The following CD86 variants were observed in gnomAD, a reference collection of about 807,000 sequenced individuals.
CD86 encodes T-lymphocyte activation antigen CD86.
A neutral mutation model predicts 32.1 loss-of-function variants in CD86; 11 were observed. The ratio of observed to expected loss-of-function variants is 0.34; its 90% CI spans 0.22 to 0.57. CD86 has a LOEUF of 0.57. CD86 is among the 20% of genes least tolerant of loss of function. The probability of loss-of-function intolerance (pLI) is 0.86; values close to 1 mark genes in which losing one functional copy is unlikely to be tolerated. For synonymous variants in CD86, 137 were observed against 135.3 expected, an observed-to-expected ratio of 1.01 and a Z score of -0.09; for missense variants, 359 against 398.4, an observed-to-expected ratio of 0.90 and a Z score of 0.84.
At chr3:122,078,183 T>G in intron 1 of CD86, 1 of 377,328 alleles carries the variant, frequency 2.7e-6, no homozygotes, top group Non-Finnish European at 3.6e-6. Context: ...GCTTAAAACC[T>G]CTGACCATCA....
In CD86 at chr3:122,118,075, G is replaced by C. The variant is rs1426421952; in HGVS notation, c.875G>C (p.Ser292Thr). Residue 292 changes from serine to threonine, a missense_variant, in exon 6 of 7, where the codon AGT (serine) becomes ACT (threonine). Ser to Thr is a moderately conservative substitution (Grantham distance 58). Coordinates refer to ENST00000330540, the MANE Select transcript of CD86 (RefSeq NM_175862.5). ...CGTNTMEREESEQTKKREKIH... is the reference protein window; with the variant it reads ...CGTNTMEREETEQTKKREKIH... ...ACCAACACAATGGAGAGGGAAGAGAGTGAACAGACCAAGAAAAGGTAAATC... is the reference window on the plus strand; with the variant it reads ...ACCAACACAATGGAGAGGGAAGAGACTGAACAGACCAAGAAAAGGTAAATC... 1 of 1,612,742 alleles carries C rather than the reference G, an allele frequency of 6.2e-7. No individual in the cohort carries two copies. The highest frequency in any genetic ancestry group is 8.5e-7 in the Non-Finnish European group (1 of 1,179,434).
chr3:122,062,411 G>C (rs1307771819), intron 1 of CD86, among the ~76,000 whole-genome samples: 1 of 152,110 alleles, frequency 6.6e-6, no homozygotes, highest in East Asian at 1.9e-4. Flanking sequence ...AGTTCATTCA[G>C]CATCTTTGTT....
Position 122,109,280 on chromosome 3 carries a change from A to T in CD86, c.719A>T (p.Gln240Leu). ...TCATTTGTAGAGCTTGAGGACCCTCAGCCTCCCCCAGACCACATTCCTTGG... is the reference window on the plus strand; with the variant it reads ...TCATTTGTAGAGCTTGAGGACCCTCTGCCTCCCCCAGACCACATTCCTTGG... ...SPFSIELEDP[Q>L]PPPDHIPWIT... The change falls in exon 5 of 7, where the codon CAG becomes CTG. Residue 240 changes from glutamine (Q) to leucine (L), a missense_variant. Transcript: ENST00000330540. The T allele has an allele frequency of 6.2e-7, 1 of 1,613,386 alleles. No homozygotes were observed. Among genetic ancestry groups the T allele is most frequent in the Non-Finnish European group, 8.5e-7 (1 of 1,179,722 alleles).
Position 122,103,520 on chromosome 3 carries a change from C to T in CD86, c.73C>T (p.Pro25Ser), listed in dbSNP as rs773800947. The change falls in exon 3 of 7, where the codon CCT (proline) becomes TCT (serine). Residue 25 changes from proline (P) to serine (S), a missense_variant. Transcript: ENST00000330540. ...TTAACCTTCTTTTTTAGGTGCTGCT[C>T]CTCTGAAGATTCAAGCTTATTTCAA... ...VMAFLLSGAA[P>S]LKIQAYFNET... The T allele has an allele frequency of 1.9e-6, 3 of 1,609,248 alleles. No homozygotes were observed. The highest frequency in any genetic ancestry group is 2.2e-5 in the South Asian group (2 of 90,140).
At chr3:122,094,146 G>A (rs1252122217) in intron 2 of CD86, among the ~76,000 whole-genome samples, 1 of 152,200 alleles carries the variant, frequency 6.6e-6, no homozygotes. Flanking sequence ...AGATCTGGGA[G>A]AGAAGGAAGA....
chr3:122,065,070 T>C (rs534444108), intron 1 of CD86, among the ~76,000 whole-genome samples: 1 of 152,238 alleles, frequency 6.6e-6, no homozygotes, highest in Non-Finnish European at 1.5e-5. Context: ...AGGTAAGTAG[T>C]ATTATCCCTG....
At chr3:122,070,252 C>T (rs114934491) in intron 1 of CD86, among the ~76,000 whole-genome samples, 2,960 of 152,138 alleles carry the variant, frequency 0.019, 39 homozygotes, top group Middle Eastern at 0.031. Flanking sequence ...AGAAATTGAT[C>T]GAATGCAAGA....
chr3:122,056,559 C>G (rs1015156120), intron 1 of CD86, among the ~76,000 whole-genome samples: 1 of 152,132 alleles, frequency 6.6e-6, no homozygotes, highest in Non-Finnish European at 1.5e-5. Flanking sequence ...GTCTCGATCT[C>G]TTGACCTTGT....
intron 2 of CD86, among the ~76,000 whole-genome samples, chr3:122,102,786 T>C (rs1313662930): frequency 6.6e-6 from 1 of 152,152 alleles, no homozygotes; most frequent in Admixed American, 6.6e-5. Flanking sequence ...GTTCTCTTTC[T>C]GATCTCTGAA....
intron 1 of CD86, among the ~76,000 whole-genome samples, chr3:122,061,774 A>C (rs1413714260): frequency 1.3e-5 from 2 of 152,326 alleles, no homozygotes; most frequent in East Asian, 3.9e-4. Flanking sequence ...ACTCTAGAAA[A>C]CAGTTTGGCA....
Position 122,090,232 on chromosome 3 carries a change from C to T in CD86, c.15-1369C>T, listed in dbSNP as rs2072792487. On this transcript the variant is annotated intron_variant, in intron 1 of 6. Coordinates refer to ENST00000330540, the MANE Select transcript of CD86 (RefSeq NM_175862.5). ...AGGTATAGTCTAGAAGGAAAAAAAA[C>T]ATAACAGACACTTCTAGCCCAATGT... 2.0e-5 allele frequency among the ~76,000 whole-genome samples: 3 copies of T among 152,088 alleles called. No homozygotes were observed. The South Asian group carries it at 6.2e-4, about 32-fold the overall frequency.
At chr3:122,103,982 C>A in intron 3 of CD86, 135 bp downstream of exon 3, 1 of 674,154 alleles carries the variant, frequency 1.5e-6, no homozygotes, top group Non-Finnish European at 2.6e-6. Context: ...CAGAGGACAG[C>A]CACTTCTGGG....
chr3:122,118,147 CT>C, intron 6 of CD86, 54 bp downstream of exon 6: 1 of 1,459,210 alleles, frequency 6.9e-7, no homozygotes, highest in Admixed American at 1.7e-5. Flanking sequence ...CCCAGAGTGC[CT>C]GTTACTTGAA....
At chr3:122,118,789 C>A (rs2073296539) in intron 6 of CD86, among the ~76,000 whole-genome samples, 1 of 152,212 alleles carries the variant, frequency 6.6e-6, no homozygotes, top group Non-Finnish European at 1.5e-5. Flanking sequence ...TGGTGCCTGG[C>A]ATATAGCAGG....
chr3:122,055,568 T>C (rs2072221328), intron 1 of CD86, 65 bp downstream of exon 1: 2 of 1,432,872 alleles, frequency 1.4e-6, no homozygotes, highest in African/African-American at 1.4e-5. Flanking sequence ...AAGGCTGAGG[T>C]TGAAGATGGT....
At position 122,106,191 on chromosome 3, in the gene CD86, C is replaced by A; in HGVS notation, c.401-7C>A. On this transcript the variant is annotated splice_polypyrimidine_tract_variant and splice_region_variant and intron_variant, in intron 3 of 6. Coordinates refer to ENST00000330540, the MANE Select transcript of CD86 (RefSeq NM_175862.5). ...TTGATTTTTTTTTATCTCTCTTCTG[C>A]TTTCAGCTAACTTCAGTCAACCTGA... 1 of 1,582,762 alleles carries A rather than the reference C, an allele frequency of 6.3e-7. No homozygotes were observed. The highest frequency in any genetic ancestry group is 8.6e-7 in the Non-Finnish European group (1 of 1,164,818).
chr3:122,109,037 G>T (rs372828623), intron 4 of CD86, among the ~76,000 whole-genome samples: 3 of 152,128 alleles, frequency 2.0e-5, no homozygotes, highest in Non-Finnish European at 4.4e-5. Context: ...CTCCATGAAG[G>T]CATGGCAGCT....
chr3:122,088,543 A>T (rs2072762174), intron 1 of CD86, among the ~76,000 whole-genome samples: 1 of 152,186 alleles, frequency 6.6e-6, no homozygotes, highest in Admixed American at 6.5e-5. Context: ...GAGTTTGGGC[A>T]TTACCTATTG....
At chr3:122,081,074 A>C (rs2072627180) in intron 1 of CD86, among the ~76,000 whole-genome samples, 1 of 152,116 alleles carries the variant, frequency 6.6e-6, no homozygotes, top group African/African-American at 2.4e-5. Flanking sequence ...CCAAACTATT[A>C]ATTCCAAACT....
Sources: allele counts gnomAD v4.1 joint callset (sites outside exome capture counted in the v4.1 genomes callset), GRCh38; gene constraint gnomAD v4.1.1; transcripts MANE v1.5; gene names NCBI Gene and HGNC (gene_info 2026-07-23, HGNC 2026-07-21).